The following BLTP1 variants were observed in gnomAD, a reference collection of about 807,000 sequenced individuals.
BLTP1 encodes the protein fragile site-associated protein.
chr4:122,193,677 T>C, the BLTP1 span: 2 of 925,438 alleles, frequency 2.2e-6, no homozygotes, highest in African/African-American at 3.6e-5. Flanking sequence ...TTAGTTTTTC[T>C]ATTCATGAAC....
the BLTP1 span, chr4:122,204,251 A>G: frequency 1.3e-6 from 1 of 750,292 alleles, no homozygotes; most frequent in Non-Finnish European, 1.6e-6. Context: ...TGCATGTAAG[A>G]CCTGAGTACA....
the BLTP1 span, among the ~76,000 whole-genome samples, chr4:122,245,926 CTG>C: frequency 6.6e-6 from 1 of 152,120 alleles, no homozygotes; most frequent in Non-Finnish European, 1.5e-5. Flanking sequence ...GTCTGCTTCT[CTG>C]TAGGCTGATT....
chr4:122,244,569 C>CT, the BLTP1 span: 2 of 677,706 alleles, frequency 3.0e-6, no homozygotes, highest in African/African-American at 2.0e-5. Context: ...TTATATAAAA[C>CT]TAACATGAAT....
the BLTP1 span, chr4:122,343,860 G>C: frequency 1.9e-4 from 133 of 697,000 alleles, no homozygotes; most frequent in African/African-American, 2.4e-3. Context: ...GTAATCTCTG[G>C]ATATCAGAGA....
At chr4:122,296,539 G>C in the BLTP1 span, among the ~76,000 whole-genome samples, 6 of 152,094 alleles carry the variant, frequency 3.9e-5, no homozygotes, top group African/African-American at 1.2e-4. Flanking sequence ...ACTACCATTG[G>C]CATTCTTTAC....
the BLTP1 span, among the ~76,000 whole-genome samples, chr4:122,352,611 C>T: frequency 0.11 from 16,056 of 152,116 alleles, 1,087 homozygotes; most frequent in Non-Finnish European, 0.16. Context: ...CCACCCGCTA[C>T]GGCTTCCAAA....
At chr4:122,249,472 C>T in the BLTP1 span, 1 of 1,609,810 alleles carries the variant, frequency 6.2e-7, no homozygotes, top group Non-Finnish European at 8.5e-7. Context: ...ATTTTGCTCT[C>T]TTTTGATAAT....
At chr4:122,201,049 C>T in the BLTP1 span, 22 of 1,613,308 alleles carry the variant, frequency 1.4e-5, no homozygotes, top group African/African-American at 5.3e-5. Flanking sequence ...TGGAACATGC[C>T]GCAGACATGG....
At chr4:122,194,384 G>A in the BLTP1 span, 1 of 216,190 alleles carries the variant, frequency 4.6e-6, no homozygotes, top group African/African-American at 2.3e-5. Flanking sequence ...TTGAAAGTAA[G>A]CAGAGCATAA....
the BLTP1 span, chr4:122,246,122 G>C: frequency 2.6e-6 from 4 of 1,534,718 alleles, no homozygotes; most frequent in Admixed American, 8.1e-5. Flanking sequence ...TGAAAAGCTT[G>C]TGAAATAATT....
chr4:122,172,029 CTT>C, the BLTP1 span: 6 of 723,646 alleles, frequency 8.3e-6, no homozygotes, highest in Non-Finnish European at 1.0e-5. Flanking sequence ...TGACTTTAAA[CTT>C]GAGATATAAT....
chr4:122,261,010 C>A, the BLTP1 span, among the ~76,000 whole-genome samples: 1 of 152,022 alleles, frequency 6.6e-6, no homozygotes, highest in African/African-American at 2.4e-5. Flanking sequence ...ATAGGCCTAA[C>A]TGATTTATGT....
the BLTP1 span, chr4:122,345,851 TAGA>T: frequency 6.2e-6 from 1 of 162,272 alleles, no homozygotes; most frequent in Non-Finnish European, 1.3e-5. Flanking sequence ...TCAAGAGAGA[TAGA>T]AGAGAATCCA....
At chr4:122,305,355 A>G in the BLTP1 span, 1 of 946,324 alleles carries the variant, frequency 1.1e-6, no homozygotes, top group African/African-American at 1.8e-5. Context: ...GCATATAGTA[A>G]TGTTAAATAA....
chr4:122,166,810 C>G, the BLTP1 span, among the ~76,000 whole-genome samples: 3 of 152,086 alleles, frequency 2.0e-5, no homozygotes, highest in Non-Finnish European at 4.4e-5. Context: ...AGTTGGATTC[C>G]TAAGTATTTT....
the BLTP1 span, among the ~76,000 whole-genome samples, chr4:122,166,020 A>T: frequency 1.1e-4 from 16 of 152,000 alleles, no homozygotes; most frequent in Admixed American, 7.9e-4. Context: ...CCATTCTGTA[A>T]GTTGCCTGTT....
the BLTP1 span, chr4:122,243,107 A>G: frequency 6.3e-7 from 1 of 1,584,128 alleles, no homozygotes; most frequent in South Asian, 1.1e-5. Context: ...GTCTTCCTTG[A>G]TTATGAGATG....
At chr4:122,209,805 T>C in the BLTP1 span, 2 of 1,612,674 alleles carry the variant, frequency 1.2e-6, no homozygotes, top group Non-Finnish European at 1.7e-6. Context: ...ACTGTCTGTT[T>C]TACTCTTCAA....
At chr4:122,324,688 A>AGTTTGTTTATTTAAG in the BLTP1 span, 1 of 574,570 alleles carries the variant, frequency 1.7e-6, no homozygotes, top group Non-Finnish European at 2.9e-6. Flanking sequence ...TATCAAACTC[A>AGTTTGTTTATTTAAG]GAAGTTTATT....
Sources: gnomAD v4.1 joint callset for allele counts (sites outside exome capture counted in the v4.1 genomes callset) on GRCh38, gnomAD v4.1.1 for gene constraint, MANE v1.5 for transcripts, NCBI Gene and HGNC (gene_info 2026-07-23, HGNC 2026-07-21) for gene names.